The following CHD9 variants were observed in gnomAD, a reference collection of about 807,000 sequenced individuals.
CHD9 encodes ATP-dependent chromatin remodeler CHD9.
In CHD9, 77 loss-of-function variants were observed where a neutral mutation model predicts 316.1. That is an observed-to-expected ratio of 0.24 (90% CI 0.20 to 0.29). The LOEUF (loss-of-function observed/expected upper bound fraction) is 0.29. Among genes scored for constraint, CHD9 ranks in the 10% least tolerant of loss-of-function variants. The pLI is 1.00. For synonymous variants in CHD9, 1,129 were observed against 1,158.3 expected (o/e 0.97, Z 0.51); for missense variants, 2,763 against 3,438.1 (o/e 0.80, Z 4.91).
chr16:53,146,436 T>TATATATATAA (rs1385131635), intron 1 of CHD9, among the ~76,000 whole-genome samples: 3 of 130,960 alleles, frequency 2.3e-5, no homozygotes, highest in African/African-American at 9.4e-5. Context: ...TATATATATA[T>TATATATATAA]AATTAAAAAG....
rs551119614 is a variant in CHD9 at position 53,116,866 on chromosome 16, A to G, written c.-164-39060A>G. The stretch of plus-strand genomic sequence containing the variant: ...TAGACTGGATAAAAAAGTGTGGTAC[A>G]TTTAAACCATGGAATGCTATGCAGC... On this transcript the variant is annotated intron_variant, in intron 1 of 38. Coordinates refer to ENST00000447540, the MANE Select transcript of CHD9 (RefSeq NM_001308319.2). 2.0e-5 allele frequency among the ~76,000 whole-genome samples: 3 copies of G among 152,352 alleles called. No homozygotes were observed. The East Asian group carries it at 5.8e-4, about 29-fold the overall frequency.
At chr16:53,088,771 G>A (rs774612133) in intron 1 of CHD9, among the ~76,000 whole-genome samples, 7 of 152,008 alleles carry the variant, frequency 4.6e-5, no homozygotes, top group Non-Finnish European at 1.0e-4. Flanking sequence ...CTTGAGGCCA[G>A]GAGTTAGAGA....
At chr16:53,240,572 G>T (rs2049005705) in intron 12 of CHD9, among the ~76,000 whole-genome samples, 1 of 151,760 alleles carries the variant, frequency 6.6e-6, no homozygotes, top group African/African-American at 2.4e-5. Flanking sequence ...ATATAGAAAT[G>T]ACTTTTAGAA....
chr16:53,075,236 C>T (rs1183690453), intron 1 of CHD9, among the ~76,000 whole-genome samples: 1 of 152,180 alleles, frequency 6.6e-6, no homozygotes, highest in Non-Finnish European at 1.5e-5. Context: ...CCTGTACCCC[C>T]ATTGTATCTA....
intron 2 of CHD9, among the ~76,000 whole-genome samples, chr16:53,199,751 T>C (rs11861565): frequency 0.31 from 47,869 of 152,062 alleles, 7,724 homozygotes; most frequent in Middle Eastern, 0.39. Flanking sequence ...CCATCTCAGC[T>C]ACTTCCATCT....
chr16:53,267,500 T>C lies in CHD9; in HGVS notation c.4517+10T>C. 1 of 1,566,170 alleles carries C rather than the reference T, an allele frequency of 6.4e-7. No homozygotes were observed. The highest frequency in any genetic ancestry group is 8.7e-7 in the Non-Finnish European group (1 of 1,153,154). ...ACCTGCTAGTTTATGGGTAAAACAT[T>C]GTTTTTAATGTTTGCTCTAAGTAGT... On this transcript the variant is annotated intron_variant, in intron 21 of 38. Transcript: ENST00000447540.
chr16:53,314,566 C>T (rs1488048815), intron 35 of CHD9, 50 bp downstream of exon 35: 1 of 1,390,428 alleles, frequency 7.2e-7, no homozygotes, highest in Non-Finnish European at 9.8e-7. Context: ...AAATTCAATC[C>T]TAATAAATAT....
At chr16:53,233,596 C>CCCTT (rs1371364001) in intron 10 of CHD9, among the ~76,000 whole-genome samples, 1 of 151,972 alleles carries the variant, frequency 6.6e-6, no homozygotes, top group Non-Finnish European at 1.5e-5. Context: ...TGACCTTCTC[C>CCCTT]CCTTCCTTCC....
intron 2 of CHD9, among the ~76,000 whole-genome samples, chr16:53,203,429 CTTG>C (rs944974565): frequency 2.6e-5 from 4 of 152,098 alleles, no homozygotes; most frequent in African/African-American, 4.8e-5. Context: ...GCTCCTGGAA[CTTG>C]TTGTTTTTGG....
intron 1 of CHD9, among the ~76,000 whole-genome samples, chr16:53,086,552 C>T (rs1262708969): frequency 6.6e-6 from 1 of 152,198 alleles, no homozygotes; most frequent in Non-Finnish European, 1.5e-5. Context: ...GCTCTCAATT[C>T]CACCTGGCAT....
At chr16:53,151,286 C>T (rs1468905073) in intron 1 of CHD9, among the ~76,000 whole-genome samples, 2 of 131,206 alleles carry the variant, frequency 1.5e-5, no homozygotes, top group Non-Finnish European at 3.1e-5. Flanking sequence ...GAGTATTGCT[C>T]TGTCACCCAG....
At position 53,305,797 on chromosome 16, in the gene CHD9, G is replaced by A. The variant is rs373761297; in HGVS notation, c.6620-440G>A. 5.8e-4 allele frequency among the ~76,000 whole-genome samples: 89 copies of A among 152,180 alleles called. 1 individual carries two copies. In the East Asian group the frequency reaches 7.3e-3, roughly 13 times the overall value. On this transcript the variant is annotated intron_variant, in intron 31 of 38. Coordinates refer to ENST00000447540, the MANE Select transcript of CHD9 (RefSeq NM_001308319.2). ...TAACAACTCCATAGGCATAACTTTCGGGGTTGCCGCAAGAAACATGCCCAA... is the reference window on the plus strand; with the variant it reads ...TAACAACTCCATAGGCATAACTTTCAGGGTTGCCGCAAGAAACATGCCCAA...
intron 1 of CHD9, among the ~76,000 whole-genome samples, chr16:53,063,052 A>G (rs1222639439): frequency 6.6e-6 from 1 of 152,126 alleles, no homozygotes; most frequent in Non-Finnish European, 1.5e-5. Context: ...AAAGAATTTT[A>G]TTAGAAAAAT....
At chr16:53,109,422 AAGC>A (rs2037646458) in intron 1 of CHD9, among the ~76,000 whole-genome samples, 4 of 152,104 alleles carry the variant, frequency 2.6e-5, no homozygotes, top group Admixed American at 2.6e-4. Flanking sequence ...CAATGCAAGA[AAGC>A]AGCATTTTTT....
chr16:53,212,184 G>C (rs796182155), intron 3 of CHD9, among the ~76,000 whole-genome samples: 1 of 151,944 alleles, frequency 6.6e-6, no homozygotes, highest in Admixed American at 6.5e-5. Flanking sequence ...GGCGGATCAC[G>C]AGGTCAGGAG....
At chr16:53,287,883 A>G in intron 26 of CHD9, 74 bp from the exon 27 acceptor site, 2 of 1,237,396 alleles carry the variant, frequency 1.6e-6, no homozygotes, top group South Asian at 2.4e-5. Flanking sequence ...AAAACCCTCC[A>G]ACAAGACTTT....
At chr16:53,119,510 C>G (rs981479268) in intron 1 of CHD9, among the ~76,000 whole-genome samples, 6 of 152,004 alleles carry the variant, frequency 3.9e-5, no homozygotes, top group African/African-American at 1.5e-4. Flanking sequence ...AAGGTGGTGA[C>G]AGAATTATAA....
chr16:53,287,929 A>G (rs749208628), intron 26 of CHD9, 28 bp from the exon 27 acceptor site: 2 of 1,558,160 alleles, frequency 1.3e-6, no homozygotes, highest in East Asian at 4.5e-5. Context: ...CATTACAGTA[A>G]TTATAGCATT....
intron 1 of CHD9, among the ~76,000 whole-genome samples, chr16:53,076,591 C>A (rs921151733): frequency 8.0e-5 from 12 of 150,588 alleles, no homozygotes; most frequent in African/African-American, 2.9e-4. Flanking sequence ...AAAAGAAAAG[C>A]AAAGAAAAGA....
Sources: allele counts gnomAD v4.1 joint callset (sites outside exome capture counted in the v4.1 genomes callset), GRCh38; gene constraint gnomAD v4.1.1; transcripts MANE v1.5; gene names NCBI Gene and HGNC (gene_info 2026-07-23, HGNC 2026-07-21).